COL18A1: variants seen among roughly 807,000 people sequenced by gnomAD.
COL18A1 encodes collagen alpha-1(XVIII) chain.
In COL18A1, 133 loss-of-function variants were observed where a neutral mutation model predicts 168.0. The ratio of observed to expected loss-of-function variants is 0.79; its 90% CI spans 0.69 to 0.91. COL18A1 has a LOEUF of 0.91. Among genes scored for constraint, COL18A1 ranks in the 40% least tolerant of loss-of-function variants. The pLI is 0.00. For synonymous variants in COL18A1, 949 were observed against 809.0 expected, an observed-to-expected ratio of 1.17 and a Z score of -2.94; for missense variants, 2,126 against 1,925.4, an observed-to-expected ratio of 1.10 and a Z score of -1.95.
In COL18A1 at chr21:45,478,307, G is replaced by T. The variant is rs372065560; in HGVS notation, c.1222-20G>T. On this transcript the variant is annotated intron_variant, in intron 8 of 41. Transcript: ENST00000651438. ...GGAGGAGTCATTTCCCATCACTAATGGCTTCTCTTGCACACCCAGGGCGAC... is the reference window on the plus strand; with the variant it reads ...GGAGGAGTCATTTCCCATCACTAATTGCTTCTCTTGCACACCCAGGGCGAC... 6.8e-5 allele frequency: 110 copies of T among 1,613,870 alleles called. No individual in the cohort carries two copies. Among genetic ancestry groups the T allele is most frequent in the Non-Finnish European group, 8.9e-5 (105 of 1,179,976 alleles).
intron 15 of COL18A1, among the ~76,000 whole-genome samples, chr21:45,483,192 G>T (rs375924207): frequency 9.1e-4 from 138 of 151,714 alleles, no homozygotes; most frequent in African/African-American, 3.2e-3. Context: ...CAGGTGGAGA[G>T]GCTGCCCGTG....
chr21:45,511,891 G>A (rs1040536036), intron 41 of COL18A1, among the ~76,000 whole-genome samples: 4 of 152,194 alleles, frequency 2.6e-5, no homozygotes, highest in African/African-American at 9.6e-5. Context: ...GCCACAGGAA[G>A]CCTCTGCTCA....
rs2035445737 is a variant in COL18A1, at chr21:45,471,936, C to A, written c.652-1959C>A. On this transcript the variant is annotated intron_variant, in intron 3 of 41. Coordinates refer to ENST00000651438, the MANE Select transcript of COL18A1 (RefSeq NM_001379500.1). The surrounding 1 kb of genome is among the most constrained non-coding windows in gnomAD (Gnocchi z 4.4). Reference sequence around the variant, plus strand: ...GGCTTTTGCACTAGCGCCTCCTGCCCCACCCCCGGAGCCAGCGGCCACCAC... The same window carrying A: ...GGCTTTTGCACTAGCGCCTCCTGCCACACCCCCGGAGCCAGCGGCCACCAC... Among the ~76,000 whole-genome samples, 1 of 152,202 alleles carries A rather than the reference C, an allele frequency of 6.6e-6. No homozygotes were observed. Among genetic ancestry groups the A allele is most frequent in the African/African-American group, 2.4e-5 (1 of 41,434 alleles).
intron 37 of COL18A1, chr21:45,506,617 G>T (rs762205989): frequency 1.1e-5 from 2 of 175,554 alleles, no homozygotes; most frequent in Non-Finnish European, 2.5e-5. Flanking sequence ...AGGTGAGGAC[G>T]GGTAGAAGCC....
chr21:45,409,363 T>C (rs2033221351), intron 2 of COL18A1, among the ~76,000 whole-genome samples: 1 of 152,102 alleles, frequency 6.6e-6, no homozygotes, highest in Non-Finnish European at 1.5e-5. Flanking sequence ...GATGATGATA[T>C]TTGGTACATT....
At chr21:45,476,973 C>T (rs563255590) in intron 6 of COL18A1, among the ~76,000 whole-genome samples, 1 of 151,306 alleles carries the variant, frequency 6.6e-6, no homozygotes, top group African/African-American at 2.4e-5. Context: ...GATGCCGAGG[C>T]CCGGATGGTG....
At chr21:45,466,700 G>T (rs113918058) in intron 2 of COL18A1, among the ~76,000 whole-genome samples, 4,536 of 152,266 alleles carry the variant, frequency 0.03, 241 homozygotes, top group African/African-American at 0.1. Context: ...TGGAAAGGGC[G>T]TTGCTGTCAC....
At position 45,456,394 on chromosome 21, in the gene COL18A1, A is replaced by G. The variant is rs764239495; in HGVS notation, c.107-11848A>G. 2.1e-4 allele frequency: 326 copies of G among 1,547,858 alleles called. No individual in the cohort carries two copies. Among genetic ancestry groups the G allele is most frequent in the Non-Finnish European group, 2.8e-4 (315 of 1,144,576 alleles). On this transcript the variant is annotated intron_variant, in intron 2 of 41. Coordinates refer to ENST00000651438, the MANE Select transcript of COL18A1 (RefSeq NM_001379500.1). ...CCTTCTCCTCTGGGCTCCCGGGCGCACTGTCTCAGGTCGCAGTCACCACTT... is the reference window on the plus strand; with the variant it reads ...CCTTCTCCTCTGGGCTCCCGGGCGCGCTGTCTCAGGTCGCAGTCACCACTT...
intron 2 of COL18A1, among the ~76,000 whole-genome samples, chr21:45,459,138 G>A (rs984999531): frequency 4.6e-5 from 7 of 152,298 alleles, no homozygotes; most frequent in African/African-American, 1.7e-4. Flanking sequence ...CTTTATCAAG[G>A]AGCCCCTTCC....
chr21:45,489,004 C>G (rs2036208594), intron 18 of COL18A1, among the ~76,000 whole-genome samples: 1 of 152,194 alleles, frequency 6.6e-6, no homozygotes, highest in Admixed American at 6.5e-5. Context: ...TTTCACCCCG[C>G]TGCGTGCTCA....
In COL18A1 at chr21:45,480,511, G is replaced by A; in HGVS notation, c.1443G>A (p.Glu481=). ...MEGSGFGGDL[E]ALRGPRGFPG... is the part of the protein sequence containing the mutation. ...GATCTGGCTTCGGGGGCGATCTGGA[G>A]GCCCTGCGGGTGAGTGGCCCTTAAA... The change falls in exon 12 of 42, where the codon GAG becomes GAA. Residue 481 remains glutamate, a synonymous_variant. Coordinates refer to ENST00000651438, the MANE Select transcript of COL18A1 (RefSeq NM_001379500.1). 6.2e-7 allele frequency: 1 copy of A among 1,614,150 alleles called. No homozygotes were observed. Among genetic ancestry groups the A allele is most frequent in the East Asian group, 2.2e-5 (1 of 44,868 alleles).
chr21:45,409,568 C>T (rs1348095885), intron 2 of COL18A1, among the ~76,000 whole-genome samples: 3 of 152,134 alleles, frequency 2.0e-5, no homozygotes, highest in Admixed American at 6.5e-5. Flanking sequence ...GGGAGCCTTG[C>T]CAGGGCCAGC....
In COL18A1 at chr21:45,513,104, T is replaced by G. The variant is rs1270808366; in HGVS notation, c.*706T>G. On this transcript the variant is annotated 3_prime_UTR_variant, in exon 42 of 42. Transcript: ENST00000651438. ...CCCAAATGAGCCATGAGATGATACA[T>G]CCAAAGCAGACAGCTCCACCCTGGC... The G allele has an allele frequency of 2.6e-5, 4 of 153,346 alleles. No individual in the cohort carries two copies. The highest frequency in any genetic ancestry group is 9.7e-5 in the African/African-American group (4 of 41,388). 9.5% of individuals were successfully genotyped at this position (153,346 alleles called of 1,614,324 possible).
Position 45,498,237 on chromosome 21 carries a change from G to A in COL18A1, c.2683+576G>A, listed in dbSNP as rs1305237105. The stretch of plus-strand genomic sequence containing the variant: ...AAACCACTGTTTGAGGATGTCTGGG[G>A]GCTGGCAGAGCAGAAGCCCAGAGAG... On this transcript the variant is annotated intron_variant, in intron 32 of 41. Transcript: ENST00000651438. The surrounding 1 kb of genome is among the most constrained non-coding windows in gnomAD (Gnocchi z 4.5). 2.8e-6 allele frequency: 2 copies of A among 703,936 alleles called. No homozygotes were observed. Among genetic ancestry groups the A allele is most frequent in the Non-Finnish European group, 2.6e-6 (1 of 384,596 alleles). The allele number at this position is 703,936 out of a possible 1,614,324, so 43.6% of individuals were successfully genotyped here.
chr21:45,494,651 C>T (rs1399462712), intron 27 of COL18A1, 80 bp downstream of exon 27: 3 of 1,595,438 alleles, frequency 1.9e-6, no homozygotes, highest in South Asian at 1.1e-5. Flanking sequence ...GGCTGCTGAG[C>T]TTGTGCTGTG....
intron 17 of COL18A1, 29 bp from the exon 18 acceptor site, chr21:45,488,389 C>T: frequency 6.2e-7 from 1 of 1,613,776 alleles, no homozygotes; most frequent in Non-Finnish European, 8.5e-7. Context: ...TCCAGCTGCA[C>T]TAACACTGTG....
At position 45,490,235 on chromosome 21, in the gene COL18A1, G is replaced by A. The variant is rs545749848; in HGVS notation, c.1960-40G>A. 55 of 1,524,100 alleles carry A rather than the reference G, an allele frequency of 3.6e-5. 1 individual carries two copies. Among genetic ancestry groups the A allele is most frequent in the South Asian group, 1.8e-4 (15 of 83,788 alleles). The allele number at this position is 1,524,100 out of a possible 1,614,324, so 94.4% of individuals were successfully genotyped here. A position where few individuals can be genotyped will look rare whatever the true frequency, so the allele number is the denominator to read the frequency against. On this transcript the variant is annotated intron_variant, in intron 19 of 41. Coordinates refer to ENST00000651438, the MANE Select transcript of COL18A1 (RefSeq NM_001379500.1). ...CGTGGGGGTCCCTGCATTCCTGGGC[G>A]TGTGGCCAATGCCCTGCGTCCTCCA...
rs776806921 is a variant in COL18A1 at position 45,507,592 on chromosome 21, C to T, written c.3248C>T (p.Thr1083Met). 65 of 1,612,822 alleles carry T rather than the reference C, an allele frequency of 4.0e-5. No homozygotes were observed. In the Admixed American group the frequency reaches 9.0e-4, roughly 22 times the overall value. The part of the protein sequence containing the change: ...LEARTPLPRG[T>M]DNEVAALQPP... ...GCCCGGACACCACTCCCACGAGGGA[C>T]GGTAAGGAGCCTTTTTTCTGTTGAG... The change falls in exon 38 of 42, where the codon ACG becomes ATG. Residue 1083 changes from threonine to methionine, a missense_variant and splice_region_variant. Transcript: ENST00000651438.
At chr21:45,422,973 C>T (rs1002169433) in intron 2 of COL18A1, among the ~76,000 whole-genome samples, 16 of 151,966 alleles carry the variant, frequency 1.1e-4, no homozygotes, top group African/African-American at 3.9e-4. Context: ...TATTTTTGCC[C>T]AGCTAATTTT....
Sources: allele counts gnomAD v4.1 joint callset (sites outside exome capture counted in the v4.1 genomes callset), GRCh38; gene constraint gnomAD v4.1.1; non-coding constraint Gnocchi (gnomAD v3.1); transcripts MANE v1.5; gene names NCBI Gene and HGNC (gene_info 2026-07-23, HGNC 2026-07-21).